The following DSCAM variants were observed in gnomAD, a reference collection of about 807,000 sequenced individuals.
DSCAM encodes DS cell adhesion molecule.
Under a neutral mutation model 217.7 loss-of-function variants are expected in DSCAM, and 47 were observed. The ratio of observed to expected loss-of-function variants is 0.22; its 90% CI spans 0.17 to 0.28. DSCAM has a LOEUF of 0.28. Among genes scored for constraint, DSCAM ranks in the 10% least tolerant of loss-of-function variants. DSCAM has a pLI of 1.00. For missense variants in DSCAM, 2,080 were observed against 2,618.3 expected (o/e 0.79, Z 4.49); for synonymous variants, 1,056 against 1,015.3 (o/e 1.04, Z -0.76).
chr21:40,587,244 T>C (rs1288715892), intron 3 of DSCAM, among the ~76,000 whole-genome samples: 1 of 152,188 alleles, frequency 6.6e-6, no homozygotes, highest in Non-Finnish European at 1.5e-5. Flanking sequence ...CCCGTATTTC[T>C]GATGAGAACA....
At chr21:40,763,424 A>G (rs13048598) in intron 1 of DSCAM, among the ~76,000 whole-genome samples, 44,989 of 152,066 alleles carry the variant, frequency 0.3, 7,690 homozygotes, top group East Asian at 0.4. Context: ...ACTACAAACC[A>G]CTGCTCAAAG....
Position 40,708,604 on chromosome 21 carries a change from CG to C in DSCAM, c.210del (p.Ile72SerfsTer23). The stretch of plus-strand genomic sequence containing the variant: ...CCGTTGGGGTGGACGTGGCGGATCC[CG>C]GGGACATCGTAGATCTCCTCGCCCG... ...LATGEEIYDV[P>X]GIRHVHPNGT... On this transcript the variant is annotated frameshift_variant, in exon 2 of 33. Transcript: ENST00000400454. LOFTEE classifies it high-confidence loss of function. 1 of 1,611,298 alleles carries C rather than the reference CG, an allele frequency of 6.2e-7. No homozygotes were observed. The highest frequency in any genetic ancestry group is 1.1e-5 in the South Asian group (1 of 90,132).
chr21:40,519,871 T>C (rs2076345175), intron 3 of DSCAM, among the ~76,000 whole-genome samples: 1 of 151,964 alleles, frequency 6.6e-6, no homozygotes, highest in African/African-American at 2.4e-5. Context: ...TATGCGTGTG[T>C]GTGTGTGTCC....
At chr21:40,603,984 A>C (rs1199898114) in intron 3 of DSCAM, among the ~76,000 whole-genome samples, 1 of 128,464 alleles carries the variant, frequency 7.8e-6, no homozygotes, top group Non-Finnish European at 1.6e-5. Context: ...TCTATCATTA[A>C]TTTTGGAAAG....
chr21:40,163,221 C>CT (rs1386949714), intron 16 of DSCAM, among the ~76,000 whole-genome samples: 4 of 152,024 alleles, frequency 2.6e-5, no homozygotes, highest in Non-Finnish European at 5.9e-5. Flanking sequence ...AAAAGAGACA[C>CT]TTTAGGAGAT....
At position 40,144,357 on chromosome 21, in the gene DSCAM, A is replaced by C; in HGVS notation, c.3259+134T>G. On this transcript the variant is annotated intron_variant, in intron 17 of 32. Coordinates refer to ENST00000400454, the MANE Select transcript of DSCAM (RefSeq NM_001389.5). This position sits in a 1 kb window ranked among gnomAD's most constrained non-coding sequence, Gnocchi z 4.8. ...CGAGGTCACGAGGGAAGGCTTTTCCACCCGAGACCCCAGGCCCTGCAGGTC... is the reference window on the plus strand; with the variant it reads ...CGAGGTCACGAGGGAAGGCTTTTCCCCCCGAGACCCCAGGCCCTGCAGGTC... 7.1e-7 allele frequency: 1 copy of C among 1,414,754 alleles called. No homozygotes were observed. The highest frequency in any genetic ancestry group is 9.6e-7 in the Non-Finnish European group (1 of 1,044,128). 87.6% of individuals were successfully genotyped at this position (1,414,754 alleles called of 1,614,324 possible). A position where few individuals can be genotyped will look rare whatever the true frequency, so the allele number is the denominator to read the frequency against.
chr21:40,240,349 G>GTTTT (rs749073872), intron 11 of DSCAM, among the ~76,000 whole-genome samples: 1,217 of 57,722 alleles, frequency 0.021, 243 homozygotes, highest in African/African-American at 0.053. Context: ...TTCCTCACTG[G>GTTTT]TTTTTTTTTT....
At position 40,036,374 on chromosome 21, in the gene DSCAM, A is replaced by G. The variant is rs974286517; in HGVS notation, c.5686+5997T>C. 7.9e-3 allele frequency among the ~76,000 whole-genome samples: 1,172 copies of G among 148,796 alleles called. 90 individuals are homozygous for G. The highest frequency in any genetic ancestry group is 0.029 in the African/African-American group (1,117 of 38,936). ...ACAGAAATACAAACTACCATCAGAG[A>G]ATACTACAAACACCTCTACGCAAAT... On this transcript the variant is annotated intron_variant, in intron 32 of 32. Transcript: ENST00000400454.
intron 20 of DSCAM, among the ~76,000 whole-genome samples, chr21:40,104,241 CA>C (rs1340620027): frequency 2.0e-5 from 3 of 151,758 alleles, no homozygotes; most frequent in Non-Finnish European, 4.4e-5. Context: ...AAATTCTGTA[CA>C]AAAAAACTAA....
At chr21:40,691,897 C>T (rs780074450) in intron 3 of DSCAM, among the ~76,000 whole-genome samples, 1 of 152,152 alleles carries the variant, frequency 6.6e-6, no homozygotes, top group African/African-American at 2.4e-5. Context: ...GAAACAAAAA[C>T]GGTGTGTCAC....
At chr21:40,107,374 G>A (rs1159523162) in intron 20 of DSCAM, among the ~76,000 whole-genome samples, 1 of 152,140 alleles carries the variant, frequency 6.6e-6, no homozygotes, top group Non-Finnish European at 1.5e-5. Context: ...TTGCTGAGGA[G>A]TGTTTTACTT....
At chr21:40,099,531 G>A (rs1183299091) in intron 20 of DSCAM, among the ~76,000 whole-genome samples, 1 of 152,082 alleles carries the variant, frequency 6.6e-6, no homozygotes, top group Non-Finnish European at 1.5e-5. Flanking sequence ...CAATTTTCCT[G>A]GTCTTAGTAG....
chr21:40,368,488 T>C lies in DSCAM; in HGVS notation c.655+611A>G, dbSNP rs141633511. ...CTGGACCTTGAAAGACTATTGGCTA[T>C]TTTGAAGATGTAAGTGATGAAGAGA... On this transcript the variant is annotated intron_variant, in intron 4 of 32. Coordinates refer to ENST00000400454, the MANE Select transcript of DSCAM (RefSeq NM_001389.5). Among the ~76,000 whole-genome samples, 50 of 152,374 alleles carry C rather than the reference T, an allele frequency of 3.3e-4. No homozygotes were observed. In the East Asian group the frequency reaches 9.1e-3, roughly 28 times the overall value.
chr21:40,258,135 T>TA (rs1274794519), intron 11 of DSCAM, among the ~76,000 whole-genome samples: 5 of 152,188 alleles, frequency 3.3e-5, no homozygotes, highest in Non-Finnish European at 5.9e-5. Flanking sequence ...GGGGAGAAAG[T>TA]ATTGTTCCTA....
intron 3 of DSCAM, among the ~76,000 whole-genome samples, chr21:40,479,126 C>T (rs1275189668): frequency 6.6e-6 from 1 of 152,122 alleles, no homozygotes; most frequent in Non-Finnish European, 1.5e-5. Flanking sequence ...TGCAATGAGG[C>T]ATTTCAACGT....
intron 1 of DSCAM, among the ~76,000 whole-genome samples, chr21:40,798,027 A>G (rs2123487581): frequency 1.3e-5 from 2 of 152,250 alleles, no homozygotes; most frequent in East Asian, 3.9e-4. Flanking sequence ...GCATATTTAC[A>G]GAAGATAGTA....
intron 3 of DSCAM, among the ~76,000 whole-genome samples, chr21:40,560,831 G>T (rs2076714840): frequency 6.6e-6 from 1 of 152,178 alleles, no homozygotes; most frequent in African/African-American, 2.4e-5. Flanking sequence ...ACCACATATT[G>T]CTAGCCCGGG....
At chr21:40,030,379 C>G (rs2088497666) in intron 32 of DSCAM, among the ~76,000 whole-genome samples, 1 of 152,060 alleles carries the variant, frequency 6.6e-6, no homozygotes. Flanking sequence ...GGTGGAGAAG[C>G]AAATCCAGGA....
At chr21:40,101,792 G>A (rs1192686755) in intron 20 of DSCAM, among the ~76,000 whole-genome samples, 1 of 151,960 alleles carries the variant, frequency 6.6e-6, no homozygotes, top group East Asian at 1.9e-4. Flanking sequence ...GTGGTGGGGG[G>A]GGGTCCAGGC....
Sources: allele counts gnomAD v4.1 joint callset (sites outside exome capture counted in the v4.1 genomes callset), GRCh38; gene constraint gnomAD v4.1.1; non-coding constraint Gnocchi (gnomAD v3.1); transcripts MANE v1.5; gene names NCBI Gene and HGNC (gene_info 2026-07-23, HGNC 2026-07-21).